Variants in TRDN observed in about 807,000 individuals in gnomAD.
TRDN encodes the protein triadin, also known as triadin in skeletal muscle.
In TRDN, 161 loss-of-function variants were observed where a neutral mutation model predicts 149.7. That is an observed-to-expected ratio of 1.08 (90% CI 0.95 to 1.23). The LOEUF (loss-of-function observed/expected upper bound fraction) is 1.23, where lower values mean the gene tolerates loss of function less well. Among genes scored for constraint, TRDN ranks in the 50% most tolerant of loss-of-function variants. The pLI, the probability that TRDN is intolerant of heterozygous loss-of-function variation, is 0.00. For synonymous variants in TRDN, 294 were observed against 250.5 expected (o/e 1.17, Z -1.64); for missense variants, 896 against 823.5 (o/e 1.09, Z -1.08).
At chr6:123,579,507 G>A (rs1457938054) in intron 1 of TRDN, among the ~76,000 whole-genome samples, 1 of 152,118 alleles carries the variant, frequency 6.6e-6, no homozygotes, top group Non-Finnish European at 1.5e-5. Context: ...GATAGTGATC[G>A]ATTAGCTTTT....
intron 23 of TRDN, among the ~76,000 whole-genome samples, chr6:123,323,956 G>C (rs1300794764): frequency 6.6e-6 from 1 of 152,154 alleles, no homozygotes; most frequent in Non-Finnish European, 1.5e-5. Flanking sequence ...TGCATTTGTA[G>C]GTCCTGCAGA....
At chr6:123,490,469 G>A (rs574941430) in intron 9 of TRDN, among the ~76,000 whole-genome samples, 1 of 152,082 alleles carries the variant, frequency 6.6e-6, no homozygotes, top group Non-Finnish European at 1.5e-5. Flanking sequence ...TTTATTTCAG[G>A]AATTTTCCAT....
intron 9 of TRDN, among the ~76,000 whole-genome samples, chr6:123,484,900 C>G (rs982647171): frequency 3.9e-5 from 6 of 152,162 alleles, no homozygotes; most frequent in African/African-American, 1.4e-4. Context: ...TCTCCAAAAA[C>G]CTGAAGCATT....
intron 29 of TRDN, among the ~76,000 whole-genome samples, chr6:123,271,950 G>C (rs1350554361): frequency 6.6e-6 from 1 of 151,618 alleles, no homozygotes; most frequent in East Asian, 1.9e-4. Flanking sequence ...GCTAATATTT[G>C]GGACATAAGA....
chr6:123,493,497 T>C (rs1174657155), intron 9 of TRDN, among the ~76,000 whole-genome samples: 1 of 152,192 alleles, frequency 6.6e-6, no homozygotes, highest in Non-Finnish European at 1.5e-5. Context: ...ACTTATGTCA[T>C]AGTGTCAGCA....
At chr6:123,577,289 C>A (rs118088372) in intron 1 of TRDN, among the ~76,000 whole-genome samples, 1,641 of 152,136 alleles carry the variant, frequency 0.011, 11 homozygotes, top group Non-Finnish European at 0.017. Context: ...CTGCTCCTGT[C>A]CCTCCTGCCA....
chr6:123,396,497 T>C (rs1180832200), intron 12 of TRDN, among the ~76,000 whole-genome samples: 2 of 152,326 alleles, frequency 1.3e-5, no homozygotes, highest in East Asian at 3.9e-4. Context: ...CTAAAGATTA[T>C]AGTAATTCTG....
At chr6:123,499,885 A>T (rs1315159402) in intron 8 of TRDN, among the ~76,000 whole-genome samples, 2 of 150,988 alleles carry the variant, frequency 1.3e-5, no homozygotes, top group African/African-American at 2.4e-5. Context: ...TCTAGAGATG[A>T]TTTAATGTAT....
chr6:123,384,882 T>G (rs1345129554), intron 14 of TRDN, among the ~76,000 whole-genome samples: 3 of 152,178 alleles, frequency 2.0e-5, no homozygotes, highest in Non-Finnish European at 4.4e-5. Context: ...GCTGGTAATA[T>G]TCATGCTATT....
intron 10 of TRDN, among the ~76,000 whole-genome samples, chr6:123,439,363 A>T (rs1033015158): frequency 5.3e-5 from 8 of 152,240 alleles, no homozygotes; most frequent in African/African-American, 1.9e-4. Context: ...TTCTTGGAAA[A>T]TATACTGCAG....
rs114346638 is a variant in TRDN at position 123,403,840 on chromosome 6, A to G, written c.1052-10163T>C. Among the ~76,000 whole-genome samples the G allele has an allele frequency of 9.1e-3, 1,384 of 152,292 alleles. 23 individuals are homozygous for G. Among genetic ancestry groups the G allele is most frequent in the African/African-American group, 0.031 (1,305 of 41,572 alleles). The stretch of plus-strand genomic sequence containing the variant: ...GAAATAAAAAAATACAGGAGAAAAG[A>G]GGAATTGAAAAAATGTAAGTAATAC... On this transcript the variant is annotated intron_variant, in intron 12 of 40. Transcript: ENST00000334268.
rs1491369240 is a variant in TRDN at position 123,266,445 on chromosome 6, TAG to T, written c.1784-1109_1784-1108del. Among the ~76,000 whole-genome samples, 284 of 84,272 alleles carry T rather than the reference TAG, an allele frequency of 3.4e-3. 132 individuals carry two copies. Among genetic ancestry groups the T allele is most frequent in the African/African-American group, 0.022 (263 of 12,176 alleles). 55.3% of individuals were successfully genotyped at this position (84,272 alleles called of 152,430 possible). On this transcript the variant is annotated intron_variant, in intron 32 of 40. Transcript: ENST00000334268. ...TATGATATGTATTATATATAATATA[TAG>T]ATTATGATATGTATTATATATAATA...
Position 123,339,071 on chromosome 6 carries a change from G to A in TRDN, c.1370-1402C>T, listed in dbSNP as rs1249734877. 2.6e-5 allele frequency among the ~76,000 whole-genome samples: 4 copies of A among 151,854 alleles called. No individual in the cohort carries two copies. In the East Asian group the frequency reaches 5.8e-4, roughly 22 times the overall value. ...CTTTGTTGCCAGGCTGGAGTGCAGT[G>A]GCGCGATCTTGGCTCACTGAAATCC... On this transcript the variant is annotated intron_variant, in intron 21 of 40. Transcript: ENST00000334268.
chr6:123,368,109 A>G (rs1441842114), intron 19 of TRDN, among the ~76,000 whole-genome samples: 1 of 152,052 alleles, frequency 6.6e-6, no homozygotes, highest in African/African-American at 2.4e-5. Context: ...TCCCCTCCTG[A>G]TGGTAGTCTT....
intron 1 of TRDN, among the ~76,000 whole-genome samples, chr6:123,607,162 T>C (rs191041810): frequency 6.6e-5 from 10 of 152,356 alleles, no homozygotes; most frequent in Admixed American, 2.6e-4. Context: ...GATTACTTTA[T>C]TGATTCATTT....
chr6:123,484,007 A>G (rs952021927), intron 9 of TRDN, among the ~76,000 whole-genome samples: 1 of 152,170 alleles, frequency 6.6e-6, no homozygotes, highest in African/African-American at 2.4e-5. Context: ...TTGACTAAAA[A>G]CTGTTGAGCA....
At chr6:123,273,443 G>T in intron 27 of TRDN, 80 bp from the exon 28 acceptor site, 1 of 722,754 alleles carries the variant, frequency 1.4e-6, no homozygotes, top group Non-Finnish European at 1.9e-6. Flanking sequence ...ACTGGTTATT[G>T]TAAATAGAAC....
At chr6:123,224,971 G>T (rs1468773514) in intron 38 of TRDN, among the ~76,000 whole-genome samples, 1 of 151,632 alleles carries the variant, frequency 6.6e-6, no homozygotes, top group Admixed American at 6.6e-5. Flanking sequence ...GGCAAATTAT[G>T]AAATGGGAGA....
chr6:123,393,934 G>C (rs778676568), intron 12 of TRDN, among the ~76,000 whole-genome samples: 11 of 152,082 alleles, frequency 7.2e-5, no homozygotes, highest in Non-Finnish European at 1.3e-4. Flanking sequence ...ACTGGCCATG[G>C]AATATCACTT....
Sources: gnomAD v4.1 joint callset for allele counts (sites outside exome capture counted in the v4.1 genomes callset) on GRCh38, gnomAD v4.1.1 for gene constraint, MANE v1.5 for transcripts, NCBI Gene and HGNC (gene_info 2026-07-23, HGNC 2026-07-21) for gene names.